FAM240B: variants seen among roughly 807,000 people sequenced by gnomAD.
FAM240B encodes family with sequence similarity 240 member B.
At chr9:38,697,675 T>C (rs1821083859) in intron 2 of FAM240B, among the ~76,000 whole-genome samples, 1 of 152,252 alleles carries the variant, frequency 6.6e-6, no homozygotes, top group South Asian at 2.1e-4. Flanking sequence ...GCAAAATTCA[T>C]TACTTCCTAA....
At chr9:38,706,975 G>T (rs1821198511) in intron 1 of FAM240B, among the ~76,000 whole-genome samples, 1 of 152,114 alleles carries the variant, frequency 6.6e-6, no homozygotes, top group South Asian at 2.1e-4. Context: ...GAACATCTAA[G>T]GCATCTCATT....
chr9:38,709,320 C>A (rs536638588), intron 1 of FAM240B, among the ~76,000 whole-genome samples: 3 of 152,188 alleles, frequency 2.0e-5, no homozygotes, highest in Non-Finnish European at 4.4e-5. Context: ...TTATTGCTCC[C>A]ATTTACCAGG....
intron 1 of FAM240B, among the ~76,000 whole-genome samples, chr9:38,707,516 C>A (rs1821203461): frequency 6.6e-6 from 1 of 151,868 alleles, no homozygotes; most frequent in Non-Finnish European, 1.5e-5. Context: ...CACCTGTAAT[C>A]CCAGCACTTT....
chr9:38,694,716 T>C lies in FAM240B; in HGVS notation c.*60A>G, dbSNP rs536563092. ...TAAATCAGCACAACTTGAGTGTTAG[T>C]TTTTTTCCCCTAGAAAAGTGGTCGC... On this transcript the variant is annotated 3_prime_UTR_variant, in exon 3 of 3. Transcript: ENST00000637493. The C allele has an allele frequency of 3.6e-6, 1 of 280,656 alleles. No individual in the cohort carries two copies. Among genetic ancestry groups the C allele is most frequent in the Admixed American group, 7.1e-5 (1 of 14,170 alleles). 17.4% of individuals were successfully genotyped at this position (280,656 alleles called of 1,614,324 possible). A position where few individuals can be genotyped will look rare whatever the true frequency, so the allele number is the denominator to read the frequency against.
At chr9:38,709,453 G>A (rs1821226810) in intron 1 of FAM240B, among the ~76,000 whole-genome samples, 1 of 152,170 alleles carries the variant, frequency 6.6e-6, no homozygotes, top group Non-Finnish European at 1.5e-5. Flanking sequence ...TTTCCCTGGC[G>A]GTATTGATGG....
rs1482119103 is a variant in FAM240B, at chr9:38,694,774, G to T, written c.*2C>A. 2.5e-6 allele frequency: 1 copy of T among 398,614 alleles called. No individual in the cohort carries two copies. Among genetic ancestry groups the T allele is most frequent in the African/African-American group, 2.1e-5 (1 of 48,736 alleles). The allele number at this position is 398,614 out of a possible 1,614,324, so 24.7% of individuals were successfully genotyped here. On this transcript the variant is annotated 3_prime_UTR_variant, in exon 3 of 3. Transcript: ENST00000637493. ...CTTTGAAGTCGGTGAGGCAGGCAGA[G>T]CTCAGTCCGCGGTGTGTGCCGGCTT...
intron 1 of FAM240B, among the ~76,000 whole-genome samples, chr9:38,717,633 G>A (rs565573121): frequency 8.4e-4 from 128 of 151,940 alleles, no homozygotes; most frequent in Middle Eastern, 6.8e-3. Flanking sequence ...GGCGCCCGCC[G>A]CCACACCCGG....
In FAM240B at chr9:38,714,376, A is replaced by G. The variant is rs141771088; in HGVS notation, c.-4+5646T>C. On this transcript the variant is annotated intron_variant, in intron 1 of 2. Transcript: ENST00000637493. The stretch of plus-strand genomic sequence containing the variant: ...AGGAACACAATGCTTGCATGACATC[A>G]AAGATATGTCTCTAAAAATTTAATA... Among the ~76,000 whole-genome samples, 31 of 152,346 alleles carry G rather than the reference A, an allele frequency of 2.0e-4. No individual in the cohort carries two copies. In the East Asian group the frequency reaches 5.6e-3, roughly 27 times the overall value.
chr9:38,716,031 GCA>G (rs1821300060), intron 1 of FAM240B, among the ~76,000 whole-genome samples: 1 of 152,166 alleles, frequency 6.6e-6, no homozygotes, highest in African/African-American at 2.4e-5. Context: ...ATTCTGCCAT[GCA>G]CAGAGATGCT....
chr9:38,697,412 G>A (rs77606220), intron 2 of FAM240B, among the ~76,000 whole-genome samples: 4,010 of 152,192 alleles, frequency 0.026, 162 homozygotes, highest in African/African-American at 0.091. Context: ...AACTTATCAG[G>A]GCTGCCCTGC....
chr9:38,717,052 G>A (rs1444699651), intron 1 of FAM240B, among the ~76,000 whole-genome samples: 1 of 152,130 alleles, frequency 6.6e-6, no homozygotes, highest in Non-Finnish European at 1.5e-5. Context: ...CCCGGAGGAC[G>A]CAGTTAGGCA....
intron 1 of FAM240B, among the ~76,000 whole-genome samples, chr9:38,719,597 T>G (rs1821348673): frequency 6.6e-6 from 1 of 152,084 alleles, no homozygotes; most frequent in Non-Finnish European, 1.5e-5. Flanking sequence ...AAACCCCAAA[T>G]TCATGATTAA....
intron 1 of FAM240B, among the ~76,000 whole-genome samples, chr9:38,718,424 T>C (rs1821333006): frequency 4.6e-5 from 7 of 152,222 alleles, no homozygotes; most frequent in Admixed American, 4.6e-4. Context: ...TCAGTCTCAA[T>C]GACATAACAG....
chr9:38,711,656 CTTCT>C (rs1821256374), intron 1 of FAM240B, among the ~76,000 whole-genome samples: 1 of 63,190 alleles, frequency 1.6e-5, no homozygotes, highest in African/African-American at 5.3e-5. Context: ...TCTCTTTCTT[CTTCT>C]TTTTTTTTTT....
intron 1 of FAM240B, among the ~76,000 whole-genome samples, chr9:38,711,140 C>G (rs962331646): frequency 1.3e-5 from 2 of 152,330 alleles, no homozygotes; most frequent in East Asian, 1.9e-4. Context: ...CGCATCACAT[C>G]AAGACACACA....
intron 1 of FAM240B, among the ~76,000 whole-genome samples, chr9:38,707,630 A>T (rs1338953928): frequency 6.8e-6 from 1 of 147,228 alleles, no homozygotes; most frequent in African/African-American, 2.5e-5. Context: ...AAAAAACAAA[A>T]AAAAAACCAA....
intron 2 of FAM240B, among the ~76,000 whole-genome samples, chr9:38,698,722 G>GA (rs150644468): frequency 0.052 from 7,838 of 151,674 alleles, 303 homozygotes; most frequent in Non-Finnish European, 0.086. Context: ...TTCATTCTAG[G>GA]AAAAAAAATA....
At chr9:38,704,683 C>T (rs4557782) in intron 1 of FAM240B, among the ~76,000 whole-genome samples, 130,189 of 152,194 alleles carry the variant, frequency 0.86, 55,874 homozygotes, top group African/African-American at 0.9. Flanking sequence ...GTAAACAGTG[C>T]GCTCTTTCCA....
intron 1 of FAM240B, among the ~76,000 whole-genome samples, chr9:38,706,863 C>A (rs1821197277): frequency 6.6e-6 from 1 of 152,210 alleles, no homozygotes; most frequent in Non-Finnish European, 1.5e-5. Flanking sequence ...AAGCCACTAA[C>A]AAAATACATC....
Sources: allele counts gnomAD v4.1 joint callset (sites outside exome capture counted in the v4.1 genomes callset), GRCh38; gene constraint gnomAD v4.1.1; transcripts MANE v1.5; gene names NCBI Gene and HGNC (gene_info 2026-07-23, HGNC 2026-07-21).